The following FOXP2 variants were observed in gnomAD, a reference collection of about 807,000 sequenced individuals.
FOXP2 encodes forkhead box protein P2.
FOXP2 carries 12 observed loss-of-function variants against 115.8 expected under a neutral mutation model. The ratio of observed to expected loss-of-function variants is 0.10; its 90% confidence interval spans 0.07 to 0.17. The LOEUF (loss-of-function observed/expected upper bound fraction) is 0.17, where lower values mean the gene tolerates loss of function less well. Among genes scored for constraint, FOXP2 ranks in the 10% least tolerant of loss-of-function variants. The pLI, the probability that FOXP2 is intolerant of heterozygous loss-of-function variation, is 1.00. For missense variants in FOXP2, 629 were observed against 843.5 expected (o/e 0.75, Z 3.15); for synonymous variants, 328 against 297.7 (o/e 1.10, Z -1.05).
intron 16 of FOXP2, among the ~76,000 whole-genome samples, chr7:114,681,263 G>A (rs1808069981): frequency 6.6e-6 from 1 of 152,118 alleles, no homozygotes; most frequent in Non-Finnish European, 1.5e-5. Context: ...TGAGATAGAT[G>A]CTCTTTACAT....
At chr7:114,342,293 C>A in intron 2 of FOXP2, among the ~76,000 whole-genome samples, 1 of 151,094 alleles carries the variant, frequency 6.6e-6, no homozygotes, top group East Asian at 1.9e-4. Context: ...CCAAATTTGT[C>A]TATAATAATA....
rs557995430 is a variant in FOXP2, at chr7:114,641,724, A to T, written c.776-686A>T. Among the ~76,000 whole-genome samples the T allele has an allele frequency of 4.0e-4, 61 of 152,092 alleles. No homozygotes were observed. In the South Asian group the frequency reaches 0.012, roughly 29 times the overall value. The stretch of plus-strand genomic sequence containing the variant: ...CACTGATTTAAAAACAAACCTTAAT[A>T]CTAGCAATAGGTAAAAACTACTCTT... On this transcript the variant is annotated intron_variant, in intron 6 of 16. Transcript: ENST00000350908.
intron 2 of FOXP2, among the ~76,000 whole-genome samples, chr7:114,402,109 A>G (rs929796299): frequency 3.3e-5 from 5 of 152,186 alleles, no homozygotes; most frequent in Non-Finnish European, 5.9e-5. Context: ...GCAACAGAGC[A>G]AGACTCTGTC....
At chr7:114,592,768 A>T (rs1353998273) in intron 3 of FOXP2, among the ~76,000 whole-genome samples, 2 of 152,036 alleles carry the variant, frequency 1.3e-5, no homozygotes, top group African/African-American at 2.4e-5. Flanking sequence ...TTCAGCATTC[A>T]ATTATGTTTA....
At chr7:114,094,708 C>T (rs1023043218) in intron 1 of FOXP2, among the ~76,000 whole-genome samples, 1 of 152,132 alleles carries the variant, frequency 6.6e-6, no homozygotes, top group Non-Finnish European at 1.5e-5. Flanking sequence ...ATTGACCAGG[C>T]TGGAGTGCAG....
chr7:114,199,331 T>A (rs951831345), intron 1 of FOXP2, among the ~76,000 whole-genome samples: 4 of 152,214 alleles, frequency 2.6e-5, no homozygotes, highest in Middle Eastern at 3.2e-3. Flanking sequence ...CAATTCTACT[T>A]TTAATGTATT....
intron 2 of FOXP2, among the ~76,000 whole-genome samples, chr7:114,518,863 T>C (rs999322879): frequency 1.3e-5 from 2 of 152,188 alleles, no homozygotes; most frequent in African/African-American, 4.8e-5. Flanking sequence ...AGTTATTTGC[T>C]ATCATTCTTC....
At chr7:114,642,209 G>C (rs1349658084) in intron 6 of FOXP2, among the ~76,000 whole-genome samples, 3 of 151,940 alleles carry the variant, frequency 2.0e-5, no homozygotes, top group Non-Finnish European at 4.4e-5. Context: ...TCCCAAATTG[G>C]TACTCTTTAG....
intron 3 of FOXP2, among the ~76,000 whole-genome samples, chr7:114,600,226 C>T (rs538075592): frequency 1.4e-4 from 21 of 152,092 alleles, no homozygotes; most frequent in Non-Finnish European, 2.6e-4. Context: ...TTTAATATTG[C>T]AATAGTTTTG....
chr7:114,320,229 CCAAGAATATGTAT>C (rs1464858358), intron 2 of FOXP2, among the ~76,000 whole-genome samples: 1 of 152,192 alleles, frequency 6.6e-6, no homozygotes, highest in East Asian at 1.9e-4. Context: ...TCATGCCAGT[CCAAGAATATGTAT>C]TTATTTTTGA....
At chr7:114,108,599 A>G (rs1431133824) in intron 1 of FOXP2, among the ~76,000 whole-genome samples, 1 of 151,952 alleles carries the variant, frequency 6.6e-6, no homozygotes, top group Non-Finnish European at 1.5e-5. Flanking sequence ...ATTTACATGT[A>G]TTTTTAAATG....
chr7:114,628,168 T>C (rs1214185440), intron 3 of FOXP2, among the ~76,000 whole-genome samples: 1 of 152,138 alleles, frequency 6.6e-6, no homozygotes, highest in Non-Finnish European at 1.5e-5. Flanking sequence ...ACTTAAGACA[T>C]TTCAAAAACC....
chr7:114,284,075 T>G (rs1004997330), intron 1 of FOXP2, among the ~76,000 whole-genome samples: 9 of 152,116 alleles, frequency 5.9e-5, no homozygotes, highest in African/African-American at 2.2e-4. Context: ...GGTCTGGGAA[T>G]GTCTGAGTGA....
chr7:114,634,152 C>T (rs187880534), intron 6 of FOXP2, among the ~76,000 whole-genome samples: 108 of 152,150 alleles, frequency 7.1e-4, no homozygotes, highest in African/African-American at 2.3e-3. Flanking sequence ...CCCACCACCA[C>T]GCCTGGCTAA....
In FOXP2 at chr7:114,491,400, A is replaced by C. The variant is rs542243112; in HGVS notation, c.169-43217A>C. 3.4e-3 allele frequency among the ~76,000 whole-genome samples: 523 copies of C among 151,932 alleles called. 2 individuals carry two copies. The highest frequency in any genetic ancestry group is 0.012 in the African/African-American group (502 of 41,414). On this transcript the variant is annotated intron_variant, in intron 2 of 16. Transcript: ENST00000350908. Reference sequence around the variant, plus strand: ...TGTTTGAGTTCATTGTAGATTCTGGATATTAGCCCTTTGTCAGATGAGTAG... The same window carrying C: ...TGTTTGAGTTCATTGTAGATTCTGGCTATTAGCCCTTTGTCAGATGAGTAG...
intron 2 of FOXP2, among the ~76,000 whole-genome samples, chr7:114,302,157 A>G (rs1427609860): frequency 2.6e-5 from 4 of 152,130 alleles, no homozygotes; most frequent in Admixed American, 1.3e-4. Context: ...ATGTAATTCC[A>G]TATTTTGATC....
At chr7:114,418,302 G>T (rs2129201232) in intron 1 of FOXP2, among the ~76,000 whole-genome samples, 1 of 152,014 alleles carries the variant, frequency 6.6e-6, no homozygotes, top group African/African-American at 2.4e-5. Context: ...ATGCAGGACT[G>T]GTGAGAGGGA....
chr7:114,580,215 T>C (rs1461521769), intron 3 of FOXP2, among the ~76,000 whole-genome samples: 3 of 151,982 alleles, frequency 2.0e-5, no homozygotes, highest in Non-Finnish European at 4.4e-5. Context: ...CCAATTAGAG[T>C]GTGTTATCAG....
chr7:114,165,840 G>A (rs764504236), intron 1 of FOXP2, among the ~76,000 whole-genome samples: 4 of 152,100 alleles, frequency 2.6e-5, no homozygotes, highest in Non-Finnish European at 4.4e-5. Context: ...GAAAATCGGA[G>A]GACTGACAGT....
Sources: gnomAD v4.1 joint callset for allele counts (sites outside exome capture counted in the v4.1 genomes callset) on GRCh38, gnomAD v4.1.1 for gene constraint, MANE v1.5 for transcripts, NCBI Gene and HGNC (gene_info 2026-07-23, HGNC 2026-07-21) for gene names.